Variants in DNM3 observed in about 807,000 individuals in gnomAD.
DNM3 encodes the protein dynamin 3, also known as dynamin-3.
Under a neutral mutation model 101.6 loss-of-function variants are expected in DNM3, and 47 were observed. That is an observed-to-expected ratio of 0.46 (90% CI 0.37 to 0.59). The LOEUF is 0.59. Among genes scored for constraint, DNM3 ranks in the 20% least tolerant of loss-of-function variants. The probability of loss-of-function intolerance (pLI) is 0.00; values close to 1 mark genes in which losing one functional copy is unlikely to be tolerated. For synonymous variants in DNM3, 385 were observed against 387.9 expected (o/e 0.99, Z 0.09); for missense variants, 849 against 1,085.7 (o/e 0.78, Z 3.06).
intron 14 of DNM3, among the ~76,000 whole-genome samples, chr1:172,162,301 G>C (rs1402423077): frequency 1.3e-5 from 2 of 151,854 alleles, no homozygotes; most frequent in Non-Finnish European, 2.9e-5. Context: ...TATCAGCTTT[G>C]AGATTTTCCT....
At chr1:172,392,537 T>A (rs1220433511) in intron 20 of DNM3, among the ~76,000 whole-genome samples, 1 of 152,244 alleles carries the variant, frequency 6.6e-6, no homozygotes, top group Non-Finnish European at 1.5e-5. Flanking sequence ...TTAGAGCTGA[T>A]GTAACTATTT....
At chr1:172,415,210 A>G (rs992828520), downstream of DNM3, 3 of 152,296 alleles carry the variant, frequency 2.0e-5, no homozygotes, top group Non-Finnish European at 2.9e-5. Flanking sequence ...ACATTGGAAC[A>G]GGTAGCACAA....
chr1:172,164,873 G>T (rs556045345), intron 14 of DNM3, among the ~76,000 whole-genome samples: 1 of 152,108 alleles, frequency 6.6e-6, no homozygotes, highest in South Asian at 2.1e-4. Flanking sequence ...GTAACCCTAG[G>T]GTGGTCAAAA....
At chr1:172,154,025 C>CATTT (rs141812115) in intron 14 of DNM3, among the ~76,000 whole-genome samples, 4,504 of 152,080 alleles carry the variant, frequency 0.03, 219 homozygotes, top group African/African-American at 0.1. Context: ...TTCATTCATT[C>CATTT]GTTGCTTGTG....
intron 15 of DNM3, among the ~76,000 whole-genome samples, chr1:172,299,692 T>C (rs2064344032): frequency 6.6e-6 from 1 of 152,194 alleles, no homozygotes; most frequent in Non-Finnish European, 1.5e-5. Context: ...GCTCCATCCA[T>C]GTTGTTGCAA....
intron 1 of DNM3, among the ~76,000 whole-genome samples, chr1:171,892,767 C>A (rs1344312316): frequency 6.6e-6 from 1 of 152,188 alleles, no homozygotes; most frequent in African/African-American, 2.4e-5. Context: ...CTGGCTCTGG[C>A]AGGGAGTGTT....
At chr1:172,353,066 T>G (rs764086141) in intron 17 of DNM3, among the ~76,000 whole-genome samples, 1 of 152,082 alleles carries the variant, frequency 6.6e-6, no homozygotes, top group Non-Finnish European at 1.5e-5. Flanking sequence ...GCCACCCACA[T>G]ACACCCCTGA....
At chr1:172,220,203 T>G (rs2060856634) in intron 14 of DNM3, among the ~76,000 whole-genome samples, 1 of 152,172 alleles carries the variant, frequency 6.6e-6, no homozygotes, top group South Asian at 2.1e-4. Flanking sequence ...CTGTAGCAGC[T>G]GTGGTATCTC....
At chr1:172,171,110 A>G (rs1037542958) in intron 14 of DNM3, among the ~76,000 whole-genome samples, 3 of 151,644 alleles carry the variant, frequency 2.0e-5, no homozygotes, top group Admixed American at 6.6e-5. Context: ...TTGTGCCTCA[A>G]AGGACATACC....
chr1:171,953,476 G>A (rs1003775294), intron 2 of DNM3, among the ~76,000 whole-genome samples: 1 of 149,500 alleles, frequency 6.7e-6, no homozygotes. Context: ...TGCCCAGGCT[G>A]GAGTGCAGTG....
At chr1:171,930,227 G>A (rs957258325) in intron 2 of DNM3, among the ~76,000 whole-genome samples, 1 of 152,176 alleles carries the variant, frequency 6.6e-6, no homozygotes, top group Non-Finnish European at 1.5e-5. Context: ...AGCAAAGATG[G>A]TGGCCTGCCC....
chr1:172,241,948 G>A (rs1181032835), intron 14 of DNM3, among the ~76,000 whole-genome samples: 1 of 152,186 alleles, frequency 6.6e-6, no homozygotes, highest in African/African-American at 2.4e-5. Flanking sequence ...TGGAAGAAGT[G>A]TTGAGATAGC....
chr1:172,168,961 C>T (rs564430246), intron 14 of DNM3, among the ~76,000 whole-genome samples: 19 of 151,972 alleles, frequency 1.3e-4, no homozygotes, highest in South Asian at 8.3e-4. Flanking sequence ...CATTTTAAGA[C>T]GAACATGGTC....
At chr1:172,316,113 C>A (rs1046208895) in intron 16 of DNM3, among the ~76,000 whole-genome samples, 4 of 151,898 alleles carry the variant, frequency 2.6e-5, no homozygotes, top group African/African-American at 9.7e-5. Flanking sequence ...AATTTTCAAC[C>A]CAGAATTTCA....
chr1:172,030,594 A>G (rs1276250687), intron 4 of DNM3, among the ~76,000 whole-genome samples: 1 of 152,248 alleles, frequency 6.6e-6, no homozygotes, highest in African/African-American at 2.4e-5. Context: ...AAAAGAAACT[A>G]TCATCAGAGT....
intron 17 of DNM3, among the ~76,000 whole-genome samples, chr1:172,352,243 A>C (rs961366889): frequency 6.6e-6 from 1 of 152,232 alleles, no homozygotes; most frequent in Non-Finnish European, 1.5e-5. Flanking sequence ...GGATTTGCCT[A>C]TGAAGGTAGA....
intron 13 of DNM3, among the ~76,000 whole-genome samples, chr1:172,118,387 C>G (rs1368089469): frequency 1.3e-5 from 2 of 152,162 alleles, no homozygotes; most frequent in East Asian, 3.8e-4. Context: ...CAGCCATTCT[C>G]ATTACTTGAC....
In DNM3 at chr1:172,048,766, T is replaced by G. The variant is rs1490386538; in HGVS notation, c.1335+16T>G. On this transcript the variant is annotated intron_variant, in intron 10 of 20. Coordinates refer to ENST00000627582, the MANE Select transcript of DNM3 (RefSeq NM_015569.5). ...TACCAAAAAAGTAAGTTCGAATTAT[T>G]TAACTTTCCAGTACGTGGCTTTGGT... 2 of 1,609,530 alleles carry G rather than the reference T, an allele frequency of 1.2e-6. No individual in the cohort carries two copies. The highest frequency in any genetic ancestry group is 1.7e-6 in the Non-Finnish European group (2 of 1,177,858).
chr1:171,870,456 C>CAAACA (rs368416298), intron 1 of DNM3, among the ~76,000 whole-genome samples: 18 of 151,532 alleles, frequency 1.2e-4, no homozygotes, highest in East Asian at 9.7e-4. Context: ...AACAAAAAAA[C>CAAACA]AAACAAAACA....
Sources: allele counts gnomAD v4.1 joint callset (sites outside exome capture counted in the v4.1 genomes callset), GRCh38; gene constraint gnomAD v4.1.1; transcripts MANE v1.5; gene names NCBI Gene and HGNC (gene_info 2026-07-23, HGNC 2026-07-21).